The following WDR76 variants were observed in gnomAD, a reference collection of about 807,000 sequenced individuals.
The protein encoded by WDR76 is WD repeat-containing protein 76.
In WDR76, 52 loss-of-function variants were observed where a neutral mutation model predicts 70.2. The ratio of observed to expected loss-of-function variants is 0.74; its 90% CI spans 0.59 to 0.93. The LOEUF (loss-of-function observed/expected upper bound fraction) is 0.93, where lower values mean the gene tolerates loss of function less well. Ranked by LOEUF, WDR76 falls within the 40% of genes least tolerant of loss-of-function variation. WDR76 has a pLI of 0.00. For synonymous variants in WDR76, 292 were observed against 271.1 expected, an observed-to-expected ratio of 1.08 and a Z score of -0.76; for missense variants, 756 against 760.2, an observed-to-expected ratio of 0.99 and a Z score of 0.07.
At chr15:43,835,204 C>A in intron 3 of WDR76, 54 bp downstream of exon 3, 1 of 1,521,054 alleles carries the variant, frequency 6.6e-7, no homozygotes, top group Non-Finnish European at 9.1e-7. Context: ...CAGTGGGTAG[C>A]GCCTGTAATC....
At chr15:43,844,172 A>G (rs1183611199) in intron 8 of WDR76, 118 bp downstream of exon 8, 1 of 834,144 alleles carries the variant, frequency 1.2e-6, no homozygotes, top group Non-Finnish European at 1.7e-6. Flanking sequence ...TTTGGGCTTT[A>G]TGATGCTTTA....
chr15:43,851,368 C>A (rs926845703), intron 9 of WDR76, 123 bp downstream of exon 9: 3 of 1,328,508 alleles, frequency 2.3e-6, no homozygotes, highest in Non-Finnish European at 3.1e-6. Context: ...GAGAACTACG[C>A]TGCCTAAGTT....
intron 9 of WDR76, 121 bp downstream of exon 9, chr15:43,851,366 C>T (rs777036602): frequency 8.7e-5 from 117 of 1,345,940 alleles, no homozygotes; most frequent in Non-Finnish European, 1.1e-4. Context: ...TTGAGAACTA[C>T]GCTGCCTAAG....
rs769343753 is a variant in WDR76 at position 43,828,102 on chromosome 15, C to T, written c.198C>T (p.Cys66=). The T allele has an allele frequency of 1.2e-6, 2 of 1,614,026 alleles. No individual in the cohort carries two copies. Among genetic ancestry groups the T allele is most frequent in the African/African-American group, 1.3e-5 (1 of 74,910 alleles). Reference sequence around the variant, plus strand: ...ATTACCAGCTAGACCAGCTTATGTGCCCCAAATCCCTATCAGAAAAGAATT... The same window carrying T: ...ATTACCAGCTAGACCAGCTTATGTGTCCCAAATCCCTATCAGAAAAGAATT... The part of the protein sequence containing the change: ...LSNYQLDQLM[C]PKSLSEKNSN... The change falls in exon 2 of 13, where the codon TGC becomes TGT. Residue 66 remains cysteine, a synonymous_variant. Coordinates refer to ENST00000263795, the MANE Select transcript of WDR76 (RefSeq NM_024908.4).
chr15:43,864,578 C>G (rs1317995590), intron 12 of WDR76, among the ~76,000 whole-genome samples: 1 of 151,834 alleles, frequency 6.6e-6, no homozygotes, highest in Non-Finnish European at 1.5e-5. Flanking sequence ...GATCTTTTGC[C>G]CATTTTTTAA....
rs1235047770 is a variant in WDR76, at chr15:43,835,145, T to C, written c.547T>C (p.Ser183Pro). The C allele has an allele frequency of 3.1e-6, 5 of 1,614,048 alleles. No individual in the cohort carries two copies. The Admixed American group carries it at 6.7e-5, about 22-fold the overall frequency. ...NADFFASLQLSESAARLREMI... is the reference protein window; with the variant it reads ...NADFFASLQLPESAARLREMI... ...AGACTTTTTTGCTTCTCTTCAGTTGTCTGAGGTTTGTGTGGAGTCTATTTA... is the reference window on the plus strand; with the variant it reads ...AGACTTTTTTGCTTCTCTTCAGTTGCCTGAGGTTTGTGTGGAGTCTATTTA... The change falls in exon 3 of 13, where the codon TCT (serine) becomes CCT (proline). Residue 183 changes from serine to proline, a missense_variant. Coordinates refer to ENST00000263795, the MANE Select transcript of WDR76 (RefSeq NM_024908.4).
chr15:43,861,243 G>C, intron 11 of WDR76, 90 bp from the exon 12 acceptor site: 1 of 1,101,118 alleles, frequency 9.1e-7, no homozygotes, highest in South Asian at 1.3e-5. Flanking sequence ...TTCATACCAT[G>C]AATTAATGAG....
intron 3 of WDR76, 84 bp from the exon 4 acceptor site, chr15:43,836,077 T>G (rs2087652120): frequency 7.2e-6 from 9 of 1,245,314 alleles, no homozygotes; most frequent in African/African-American, 1.5e-5. Flanking sequence ...CTTAGTTTAG[T>G]GTGGGTATAG....
rs141534227 is a variant in WDR76 at position 43,854,244 on chromosome 15, C to T, written c.1192-2702C>T. ...GCACATGTCCACACAAAAACTTGTA[C>T]GGGAATGTTCATACAAGCATTATTT... On this transcript the variant is annotated intron_variant, in intron 9 of 12. Coordinates refer to ENST00000263795, the MANE Select transcript of WDR76 (RefSeq NM_024908.4). Among the ~76,000 whole-genome samples the T allele has an allele frequency of 7.6e-3, 1,153 of 152,116 alleles. 14 individuals are homozygous for T. Among genetic ancestry groups the T allele is most frequent in the African/African-American group, 0.026 (1,086 of 41,474 alleles).
At chr15:43,864,869 T>C (rs1218272122) in intron 12 of WDR76, among the ~76,000 whole-genome samples, 2 of 152,126 alleles carry the variant, frequency 1.3e-5, no homozygotes, top group Non-Finnish European at 2.9e-5. Context: ...GCTGGGATTA[T>C]AGGCATGAGC....
chr15:43,840,900 G>T (rs1247021242), intron 5 of WDR76, among the ~76,000 whole-genome samples: 1 of 152,010 alleles, frequency 6.6e-6, no homozygotes, highest in East Asian at 1.9e-4. Flanking sequence ...AGCATCACTT[G>T]AGACGTTAAT....
chr15:43,840,007 G>A (rs528620977), intron 5 of WDR76, among the ~76,000 whole-genome samples: 1 of 152,100 alleles, frequency 6.6e-6, no homozygotes, highest in Non-Finnish European at 1.5e-5. Context: ...ACAGGCACAT[G>A]CCACCATACC....
chr15:43,836,158 C>A lies in WDR76; in HGVS notation c.553-3C>A, dbSNP rs748056103. ...ATTTTTACATGATTTTTATACTTTA[C>A]AGTCTGCTGCAAGACTCCGTGAAAT... On this transcript the variant is annotated splice_region_variant and splice_polypyrimidine_tract_variant and intron_variant, in intron 3 of 12. Coordinates refer to ENST00000263795, the MANE Select transcript of WDR76 (RefSeq NM_024908.4). 6.2e-7 allele frequency: 1 copy of A among 1,603,438 alleles called. No homozygotes were observed. The highest frequency in any genetic ancestry group is 1.1e-5 in the South Asian group (1 of 88,154).
At chr15:43,849,841 A>AT (rs892123978) in intron 8 of WDR76, among the ~76,000 whole-genome samples, 1 of 152,020 alleles carries the variant, frequency 6.6e-6, no homozygotes, top group Non-Finnish European at 1.5e-5. Context: ...GCCTGGAGTG[A>AT]TTTTTTTAAA....
At chr15:43,858,264 G>A (rs2087954993) in intron 10 of WDR76, among the ~76,000 whole-genome samples, 1 of 144,438 alleles carries the variant, frequency 6.9e-6, no homozygotes, top group Non-Finnish European at 1.5e-5. Flanking sequence ...TTGTTTGTTT[G>A]TTTGTTTGAA....
At chr15:43,850,259 G>T (rs916882720) in intron 8 of WDR76, among the ~76,000 whole-genome samples, 12 of 149,866 alleles carry the variant, frequency 8.0e-5, no homozygotes, top group Admixed American at 2.7e-4. Flanking sequence ...CATTTTTATG[G>T]TGTTATTTTT....
chr15:43,849,569 C>T (rs571009843), intron 8 of WDR76, among the ~76,000 whole-genome samples: 5 of 151,880 alleles, frequency 3.3e-5, no homozygotes, highest in African/African-American at 9.6e-5. Context: ...GACGGAGTCT[C>T]GCTTTGTCGC....
Position 43,828,333 on chromosome 15 carries a change from T to C in WDR76, c.429T>C (p.Asp143=). ...GTGTTGATGTGGAAAGTAGTCAGGA[T>C]GGAGACAGTGATGAAGATACCACAC... is the stretch of plus-strand genomic sequence containing the variant. ...NLSVDVESSQ[D]GDSDEDTTPS... is the part of the protein sequence containing the mutation. The change falls in exon 2 of 13, where the codon GAT becomes GAC. Residue 143 remains aspartate, a synonymous_variant. Coordinates refer to ENST00000263795, the MANE Select transcript of WDR76 (RefSeq NM_024908.4). 6.2e-7 allele frequency: 1 copy of C among 1,613,770 alleles called. No individual in the cohort carries two copies. The highest frequency in any genetic ancestry group is 1.1e-5 in the South Asian group (1 of 90,982).
At chr15:43,854,677 A>G (rs1279357032) in intron 9 of WDR76, among the ~76,000 whole-genome samples, 1 of 151,586 alleles carries the variant, frequency 6.6e-6, no homozygotes, top group Non-Finnish European at 1.5e-5. Flanking sequence ...AGCTGGGCGC[A>G]GTGGCTCACG....
Sources: allele counts gnomAD v4.1 joint callset (sites outside exome capture counted in the v4.1 genomes callset), GRCh38; gene constraint gnomAD v4.1.1; transcripts MANE v1.5; gene names NCBI Gene and HGNC (gene_info 2026-07-23, HGNC 2026-07-21).